The following TYMP variants were observed in gnomAD, a reference collection of about 807,000 sequenced individuals.
TYMP encodes gliostatin.
Under a neutral mutation model 42.3 loss-of-function variants are expected in TYMP, and 46 were observed. The observed-to-expected ratio is 1.09, with a 90% CI of 0.86 to 1.39. The LOEUF (loss-of-function observed/expected upper bound fraction) is 1.39. TYMP is among the 40% of genes most tolerant of loss of function. TYMP has a pLI of 0.00. For missense variants in TYMP, 837 were observed against 677.6 expected (o/e 1.24, Z -2.61); for synonymous variants, 363 against 308.0 (o/e 1.18, Z -1.87).
In TYMP at chr22:50,526,534, A is replaced by AC. The variant is rs751445600; in HGVS notation, c.928+41dup. Reference sequence around the variant, plus strand: ...GGTCGGGGCGGCCCCAGCGGGAAGCACCCCCCGCCGCCTCCGCTCCCCTAC... The same window carrying AC: ...GGTCGGGGCGGCCCCAGCGGGAAGCACCCCCCCGCCGCCTCCGCTCCCCTAC... On this transcript the variant is annotated intron_variant, in intron 7 of 9. Coordinates refer to ENST00000252029, the MANE Select transcript of TYMP (RefSeq NM_001953.5). 7.1e-6 allele frequency: 11 copies of AC among 1,540,942 alleles called. No individual in the cohort carries two copies. The East Asian group carries it at 1.5e-4, about 21-fold the overall frequency.
chr22:50,526,650 A>C lies in TYMP; in HGVS notation c.854T>G (p.Leu285Arg). ...GCAGAGCAGCGCCTCCTCCACCTCC[A>C]GGGCGTGGCCCACGCAGCGACCCAG... ...KPLGRCVGHA[L>R]EVEEALLCMD... The change falls in exon 7 of 10, where the codon CTG (leucine) becomes CGG (arginine). Residue 285 changes from leucine (L) to arginine (R), a missense_variant. Transcript: ENST00000252029. The C allele has an allele frequency of 1.3e-6, 2 of 1,564,084 alleles. No homozygotes were observed. The highest frequency in any genetic ancestry group is 1.7e-6 in the Non-Finnish European group (2 of 1,156,718).
rs919656439 is a variant in TYMP, at chr22:50,525,759, G to C, written c.*11C>G. Reference sequence around the variant, plus strand: ...GCCCAAGCACTGACAAGGTTTCGCGGCAAAGGAGCTTTATTGCTGCGGCGG... The same window carrying C: ...GCCCAAGCACTGACAAGGTTTCGCGCCAAAGGAGCTTTATTGCTGCGGCGG... On this transcript the variant is annotated 3_prime_UTR_variant, in exon 10 of 10. Transcript: ENST00000252029. 5.6e-6 allele frequency: 9 copies of C among 1,609,568 alleles called. No homozygotes were observed. The African/African-American group carries it at 1.1e-4, about 19-fold the overall frequency.
At position 50,529,705 on chromosome 22, in the gene TYMP, G is replaced by A. The variant is rs541592631; in HGVS notation, c.5C>T (p.Ala2Val). The A allele has an allele frequency of 9.9e-6, 16 of 1,609,978 alleles. 1 individual carries two copies. In the South Asian group the frequency reaches 1.8e-4, roughly 18 times the overall value. M[A>V]ALMTPGTGAP... ...CCCGGTTCCCGGGGTCATCAAGGCT[G>A]CCATCGCTCCGGGCCTGCGGGGATG... Residue 2 changes from alanine (A) to valine (V), a missense_variant, in exon 2 of 10, where the codon GCA becomes GTA. Physicochemically the swap from Ala to Val is moderately conservative, Grantham distance 64 (BLOSUM62 0). Transcript: ENST00000252029.
intron 3 of TYMP, 196 bp downstream of exon 3, chr22:50,528,940 T>C: frequency 1.5e-6 from 1 of 665,038 alleles, no homozygotes; most frequent in Non-Finnish European, 2.7e-6. Flanking sequence ...AGGGGCCTGG[T>C]CTGGAGCCAG....
intron 1 of TYMP, 74 bp downstream of exon 1, chr22:50,529,830 G>A: frequency 1.1e-6 from 1 of 937,354 alleles, no homozygotes; most frequent in Non-Finnish European, 1.6e-6. Context: ...CCGCCCCTCG[G>A]TCCCGTGTCT....
intron 6 of TYMP, 29 bp from the exon 7 acceptor site, chr22:50,526,767 C>A (rs1165882750): frequency 2.6e-6 from 4 of 1,530,786 alleles, no homozygotes; most frequent in Non-Finnish European, 2.6e-6. Flanking sequence ...GCGTGGACCC[C>A]CCATGGCGGG....
rs2148678915 is a variant in TYMP at position 50,526,730 on chromosome 22, C to T, written c.774G>A (p.Val258=). ...ARELAKTLVG[V]GASLGLRVAA... is the part of the protein sequence containing the mutation. ...CGACCCGAAGCCCTAGGCTGGCTCC[C>T]ACGCCAACCTGCGGAGAGGAGGCTC... Residue 258 remains valine, a synonymous_variant, in exon 7 of 10, where the codon GTG becomes GTA. Coordinates refer to ENST00000252029, the MANE Select transcript of TYMP (RefSeq NM_001953.5). 6.5e-7 allele frequency: 1 copy of T among 1,536,702 alleles called. No homozygotes were observed. The highest frequency in any genetic ancestry group is 2.4e-5 in the East Asian group (1 of 40,950).
At chr22:50,525,944 C>T (rs989216557) in intron 9 of TYMP, 26 bp from the exon 10 acceptor site, 21 of 1,426,068 alleles carry the variant, frequency 1.5e-5, no homozygotes, top group Non-Finnish European at 1.9e-5. Context: ...CTGTTAGAGG[C>T]CGCGCGGCCG....
chr22:50,528,204 C>T (rs1345166865), intron 4 of TYMP: 11 of 451,592 alleles, frequency 2.4e-5, no homozygotes, highest in South Asian at 1.6e-4. Context: ...GGGGTTTTGC[C>T]GTGTTATCCA....
At chr22:50,528,422 C>T (rs1404490859) in intron 4 of TYMP, 90 bp downstream of exon 4, 5 of 1,129,230 alleles carry the variant, frequency 4.4e-6, no homozygotes, top group Non-Finnish European at 6.6e-6. Context: ...TCATTAGTGA[C>T]CCTAATGATC....
At chr22:50,529,444 C>G in intron 2 of TYMP, 52 bp downstream of exon 2, 2 of 1,608,998 alleles carry the variant, frequency 1.2e-6, no homozygotes, top group Non-Finnish European at 1.7e-6. Context: ...CCCAAAGTCT[C>G]TCGGGCTGAC....
Position 50,529,058 on chromosome 22 carries a change from G to A in TYMP, c.417+78C>T, listed in dbSNP as rs555239242. ...TTGGAGGCTTTGGGCCAGGCTTGAG[G>A]TTGGGAGCTGCCTGTGGATGGACTG... is the stretch of plus-strand genomic sequence containing the variant. On this transcript the variant is annotated intron_variant, in intron 3 of 9. Transcript: ENST00000252029. 3.7e-5 allele frequency: 55 copies of A among 1,480,778 alleles called. No homozygotes were observed. The East Asian group carries it at 1.2e-3, about 31-fold the overall frequency. The allele number at this position is 1,480,778 out of a possible 1,614,324, so 91.7% of individuals were successfully genotyped here.
At chr22:50,528,735 C>A (rs1282028624) in intron 3 of TYMP, 125 bp from the exon 4 acceptor site, 1 of 778,014 alleles carries the variant, frequency 1.3e-6, no homozygotes, top group Non-Finnish European at 2.2e-6. Context: ...TAGGGGTGCC[C>A]AGCTGGTGAG....
At chr22:50,529,822 G>A in intron 1 of TYMP, 82 bp downstream of exon 1, 1 of 994,690 alleles carries the variant, frequency 1.0e-6, no homozygotes, top group East Asian at 2.6e-5. Flanking sequence ...TCCGGTGTCC[G>A]CCCCTCGGTC....
intron 4 of TYMP, chr22:50,528,111 A>T: frequency 2.6e-6 from 1 of 389,128 alleles, no homozygotes; most frequent in Non-Finnish European, 4.9e-6. Flanking sequence ...TCCCAGGCTC[A>T]AGTGATCCTC....
In TYMP at chr22:50,525,928, G is replaced by T. The variant is rs1297802899; in HGVS notation, c.1301-10C>A. ...CGGAGCCAGGGGGTCCCTGCAGAGC[G>T]AGGGGCTGTTAGAGGCCGCGCGGCC... On this transcript the variant is annotated splice_polypyrimidine_tract_variant and intron_variant, in intron 9 of 9. Coordinates refer to ENST00000252029, the MANE Select transcript of TYMP (RefSeq NM_001953.5). The T allele has an allele frequency of 1.3e-6, 2 of 1,489,734 alleles. No individual in the cohort carries two copies. The highest frequency in any genetic ancestry group is 1.3e-5 in the South Asian group (1 of 76,070). 92.3% of individuals were successfully genotyped at this position (1,489,734 alleles called of 1,614,324 possible).
intron 5 of TYMP, 78 bp from the exon 6 acceptor site, chr22:50,527,361 G>A (rs776966814): frequency 2.2e-6 from 3 of 1,362,790 alleles, no homozygotes; most frequent in South Asian, 1.2e-5. Flanking sequence ...GCCGACTTTG[G>A]GGTCAGGGGC....
rs1402720779 is a variant in TYMP, at chr22:50,528,740, G to A, written c.418-130C>T. The A allele has an allele frequency of 7.1e-5, 54 of 755,792 alleles. No individual in the cohort carries two copies. The East Asian group carries it at 1.5e-3, about 20-fold the overall frequency. The allele number at this position is 755,792 out of a possible 1,614,324, so 46.8% of individuals were successfully genotyped here. ...TAAGCAGCTATAGGGGTGCCCAGCT[G>A]GTGAGGGAATGGAAAGGAAGTTTTC... On this transcript the variant is annotated intron_variant, in intron 3 of 9. Coordinates refer to ENST00000252029, the MANE Select transcript of TYMP (RefSeq NM_001953.5).
intron 4 of TYMP, chr22:50,527,972 G>T (rs937969480): frequency 2.4e-5 from 12 of 503,138 alleles, no homozygotes; most frequent in Non-Finnish European, 4.2e-5. Context: ...TAGAGATCAA[G>T]TTTCACTATA....
Sources: allele counts gnomAD v4.1 joint callset, GRCh38; gene constraint gnomAD v4.1.1; transcripts MANE v1.5; gene names NCBI Gene and HGNC (gene_info 2026-07-23, HGNC 2026-07-21).